Variants in SUCLA2 observed in about 807,000 individuals in gnomAD.
The protein encoded by SUCLA2 is succinate-CoA ligase ADP-forming subunit beta, also known as succinate--CoA ligase [ADP-forming] subunit beta, mitochondrial.
SUCLA2 carries 30 observed loss-of-function variants against 54.8 expected under a neutral mutation model. That is an observed-to-expected ratio of 0.55 (90% CI 0.41 to 0.74). The LOEUF (loss-of-function observed/expected upper bound fraction) is 0.74. SUCLA2 is among the 30% of genes least tolerant of loss of function. SUCLA2 has a pLI of 0.00. For missense variants in SUCLA2, 476 were observed against 562.9 expected, an observed-to-expected ratio of 0.85 and a Z score of 1.56; for synonymous variants, 172 against 188.9, an observed-to-expected ratio of 0.91 and a Z score of 0.74.
chr13:47,955,767 C>T (rs1011130060), intron 6 of SUCLA2, among the ~76,000 whole-genome samples: 4 of 152,062 alleles, frequency 2.6e-5, no homozygotes, highest in African/African-American at 9.7e-5. Context: ...TGGCTCTTAA[C>T]AAAGGTCACC....
In SUCLA2 at chr13:47,954,443, T is replaced by G. The variant is rs1327900541; in HGVS notation, c.917A>C (p.Lys306Thr). The G allele has an allele frequency of 6.2e-7, 1 of 1,613,944 alleles. No homozygotes were observed. Among genetic ancestry groups the G allele is most frequent in the South Asian group, 1.1e-5 (1 of 91,084 alleles). ...QEDERDKDAA[K>T]ANLNYIGLDG... is the part of the protein sequence containing the mutation. The stretch of plus-strand genomic sequence containing the variant: ...GAGGCCAATGTAGTTGAGATTTGCC[T>G]TAGCAGCATCTTTGTCCCTTTCATC... Residue 306 changes from lysine (K) to threonine (T), a missense_variant, in exon 7 of 11, where the codon AAG (lysine) becomes ACG (threonine). By Grantham distance (78) the Lys-to-Thr change is moderately conservative. Around this residue, in one of 2 missense-constraint regions of SUCLA2, gnomAD observed 342 missense variants for 444.2 expected, o/e 0.77. Transcript: ENST00000646932.
intron 6 of SUCLA2, among the ~76,000 whole-genome samples, chr13:47,958,397 A>T (rs1000341167): frequency 7.9e-5 from 12 of 152,198 alleles, no homozygotes; most frequent in African/African-American, 2.9e-4. Context: ...TTGTATGAAC[A>T]CTTATTGTTA....
chr13:47,980,822 G>T (rs2148243), intron 4 of SUCLA2, among the ~76,000 whole-genome samples: 4 of 152,002 alleles, frequency 2.6e-5, no homozygotes, highest in African/African-American at 4.8e-5. Flanking sequence ...AACAATGGTG[G>T]GAAAGCTACA....
intron 10 of SUCLA2, among the ~76,000 whole-genome samples, chr13:47,943,766 G>GTGTGTA (rs1300486540): frequency 2.9e-5 from 4 of 139,672 alleles, no homozygotes; most frequent in African/African-American, 1.1e-4. Context: ...GTGTGTGTGT[G>GTGTGTA]TATATATATA....
At chr13:47,968,153 C>T (rs1202842595) in intron 6 of SUCLA2, among the ~76,000 whole-genome samples, 1 of 152,198 alleles carries the variant, frequency 6.6e-6, no homozygotes, top group Non-Finnish European at 1.5e-5. Flanking sequence ...TAACCCAGCA[C>T]TGCCCAATAA....
chr13:47,999,185 T>C (rs1380956494), intron 1 of SUCLA2, among the ~76,000 whole-genome samples: 1 of 143,008 alleles, frequency 7.0e-6, no homozygotes, highest in Non-Finnish European at 1.5e-5. Context: ...TTTAAATTTT[T>C]AAAAAATCTA....
chr13:47,943,489 G>T (rs755166072), intron 10 of SUCLA2, 44 bp from the exon 11 acceptor site: 2 of 1,588,216 alleles, frequency 1.3e-6, no homozygotes, highest in Non-Finnish European at 8.6e-7. Context: ...GGTAAATTCA[G>T]AACTACAGGT....
At chr13:48,000,162 G>A (rs933250110) in intron 1 of SUCLA2, among the ~76,000 whole-genome samples, 1 of 151,340 alleles carries the variant, frequency 6.6e-6, no homozygotes, top group South Asian at 2.1e-4. Flanking sequence ...AGGTAGGGGC[G>A]GGAGGGCCCT....
intron 4 of SUCLA2, among the ~76,000 whole-genome samples, chr13:47,987,450 T>TA (rs1187203732): frequency 6.6e-6 from 1 of 152,064 alleles, no homozygotes; most frequent in African/African-American, 2.4e-5. Flanking sequence ...AAATTTTGGG[T>TA]AATATATGAG....
intron 6 of SUCLA2, 48 bp from the exon 7 acceptor site, chr13:47,954,605 A>G: frequency 6.3e-7 from 1 of 1,587,532 alleles, no homozygotes; most frequent in Non-Finnish European, 8.6e-7. Flanking sequence ...AGACAGATAC[A>G]ATAAAGTATC....
At chr13:47,949,674 T>C (rs1949761352) in intron 8 of SUCLA2, 71 bp from the exon 9 acceptor site, 6 of 1,457,712 alleles carry the variant, frequency 4.1e-6, no homozygotes, top group East Asian at 2.3e-5. Flanking sequence ...AAAATACTAG[T>C]ATATGTGCTT....
chr13:47,983,276 G>T (rs1011350178), intron 4 of SUCLA2, among the ~76,000 whole-genome samples: 20 of 152,158 alleles, frequency 1.3e-4, no homozygotes, highest in Admixed American at 1.2e-3. Flanking sequence ...TTTCTCTCTA[G>T]CAAGGCAGTG....
intron 5 of SUCLA2, chr13:47,971,482 C>T (rs897859061): frequency 6.4e-5 from 11 of 172,628 alleles, no homozygotes; most frequent in Admixed American, 1.3e-4. Context: ...CAATTTAATT[C>T]GATAGCAGCA....
chr13:47,999,082 C>A (rs1318123974), intron 1 of SUCLA2, among the ~76,000 whole-genome samples: 3 of 152,276 alleles, frequency 2.0e-5, no homozygotes, highest in Non-Finnish European at 4.4e-5. Context: ...AACTGCAACA[C>A]ATATAAGAGC....
intron 2 of SUCLA2, among the ~76,000 whole-genome samples, chr13:47,996,158 C>T (rs1007263904): frequency 6.6e-6 from 1 of 151,684 alleles, no homozygotes; most frequent in Non-Finnish European, 1.5e-5. Flanking sequence ...CCCGTCTCTA[C>T]TAAAAATACA....
chr13:47,996,089 G>A (rs550724324), intron 2 of SUCLA2, among the ~76,000 whole-genome samples: 4 of 151,854 alleles, frequency 2.6e-5, no homozygotes, highest in East Asian at 1.9e-4. Flanking sequence ...TTTGGGAGGC[G>A]GAGGCGGGCA....
At chr13:47,956,018 G>C (rs1949817978) in intron 6 of SUCLA2, among the ~76,000 whole-genome samples, 1 of 152,112 alleles carries the variant, frequency 6.6e-6, no homozygotes, top group Admixed American at 6.5e-5. Flanking sequence ...AAAATGCACA[G>C]TGTATGAGTC....
intron 4 of SUCLA2, among the ~76,000 whole-genome samples, chr13:47,979,949 A>G (rs1006432709): frequency 6.6e-6 from 1 of 152,264 alleles, no homozygotes; most frequent in Admixed American, 6.5e-5. Context: ...TACAAAATCA[A>G]CAAACAAAAA....
chr13:47,982,147 T>C (rs1463584069), intron 4 of SUCLA2, among the ~76,000 whole-genome samples: 1 of 152,180 alleles, frequency 6.6e-6, no homozygotes, highest in African/African-American at 2.4e-5. Context: ...TATTTGAACA[T>C]CTATGTTCAC....
Sources: gnomAD v4.1 joint callset for allele counts (sites outside exome capture counted in the v4.1 genomes callset) on GRCh38, gnomAD v4.1.1 for gene constraint, gnomAD v4.1.1 regional missense constraint, MANE v1.5 for transcripts, NCBI Gene and HGNC (gene_info 2026-07-23, HGNC 2026-07-21) for gene names.